OXR1: variants seen among roughly 807,000 people sequenced by gnomAD.
The protein encoded by OXR1 is oxidation resistance protein 1.
OXR1 carries 41 observed loss-of-function variants against 104.6 expected under a neutral mutation model. That is an observed-to-expected ratio of 0.39 (90% CI 0.31 to 0.51). OXR1 has a LOEUF of 0.51. OXR1 is among the 20% of genes least tolerant of loss of function. The pLI, the probability that OXR1 is intolerant of heterozygous loss-of-function variation, is 0.77. For synonymous variants in OXR1, 348 were observed against 348.4 expected (o/e 1.00, Z 0.01); for missense variants, 955 against 1,031.9 (o/e 0.93, Z 1.02).
At chr8:106,556,490 T>C (rs1586806940) in intron 3 of OXR1, among the ~76,000 whole-genome samples, 1 of 152,076 alleles carries the variant, frequency 6.6e-6, no homozygotes, top group South Asian at 2.1e-4. Context: ...CCCAAATGAA[T>C]CCTGCCTCTG....
intron 11 of OXR1, among the ~76,000 whole-genome samples, chr8:106,736,994 G>A (rs867599174): frequency 4.6e-5 from 7 of 152,042 alleles, no homozygotes; most frequent in African/African-American, 1.7e-4. Context: ...GTTTTAAAAT[G>A]TACTTCTATA....
intron 1 of OXR1, among the ~76,000 whole-genome samples, chr8:106,298,328 T>C (rs1232919948): frequency 6.6e-6 from 1 of 152,156 alleles, no homozygotes; most frequent in African/African-American, 2.4e-5. Flanking sequence ...ACATCTTACA[T>C]GGAGGCAGGC....
chr8:106,637,285 T>G (rs1471662539), intron 3 of OXR1, among the ~76,000 whole-genome samples: 2 of 152,128 alleles, frequency 1.3e-5, no homozygotes, highest in Non-Finnish European at 2.9e-5. Flanking sequence ...TGATGCTATT[T>G]TAAAATTATG....
intron 1 of OXR1, among the ~76,000 whole-genome samples, chr8:106,289,240 C>T (rs1586477719): frequency 6.6e-6 from 1 of 152,188 alleles, no homozygotes; most frequent in Admixed American, 6.6e-5. Context: ...AGCTATCTCT[C>T]TTCGCTTCTA....
At chr8:106,320,725 G>A (rs1814180905) in intron 1 of OXR1, among the ~76,000 whole-genome samples, 1 of 152,068 alleles carries the variant, frequency 6.6e-6, no homozygotes. Flanking sequence ...AGGCTGGAGT[G>A]CAGTGACACA....
rs572524704 is a variant in OXR1 at position 106,726,445 on chromosome 8, T to G, written c.1957-11075T>G. On this transcript the variant is annotated intron_variant, in intron 11 of 16. Coordinates refer to ENST00000517566, the MANE Select transcript of OXR1 (RefSeq NM_001198533.2). ...TACAAAATTTTATGATTGTACAAAG[T>G]ACCTTGAAGTTGTTTCTGTTAATTC... is the stretch of plus-strand genomic sequence containing the variant. 791 of 528,896 alleles carry G rather than the reference T, an allele frequency of 1.5e-3. 3 individuals are homozygous for G. Among genetic ancestry groups the G allele is most frequent in the Middle Eastern group, 9.3e-3 (19 of 2,042 alleles). 32.8% of individuals were successfully genotyped at this position (528,896 alleles called of 1,614,324 possible). A position where few individuals can be genotyped will look rare whatever the true frequency, so the allele number is the denominator to read the frequency against.
chr8:106,501,336 CAG>C (rs1811793509), intron 2 of OXR1, among the ~76,000 whole-genome samples: 1 of 152,078 alleles, frequency 6.6e-6, no homozygotes, highest in Non-Finnish European at 1.5e-5. Context: ...GTGAACAGAA[CAG>C]AGAGAGGGAG....
intron 3 of OXR1, among the ~76,000 whole-genome samples, chr8:106,616,002 T>C (rs1467958442): frequency 6.6e-6 from 1 of 150,696 alleles, no homozygotes; most frequent in Non-Finnish European, 1.5e-5. Context: ...AGGAAGAGAA[T>C]GGAAATTAAT....
chr8:106,602,350 G>A (rs1036288297), intron 3 of OXR1, among the ~76,000 whole-genome samples: 1 of 152,208 alleles, frequency 6.6e-6, no homozygotes, highest in Non-Finnish European at 1.5e-5. Flanking sequence ...CACCGTCGTG[G>A]TCTAGGCAAA....
At chr8:106,618,128 T>C (rs1315697079) in intron 3 of OXR1, 1 of 1,536,046 alleles carries the variant, frequency 6.5e-7, no homozygotes, top group Middle Eastern at 1.7e-4. Context: ...AGCAGCTCAC[T>C]GCTAGCTGAG....
intron 10 of OXR1, among the ~76,000 whole-genome samples, chr8:106,712,662 C>A (rs1417737441): frequency 6.6e-6 from 1 of 151,950 alleles, no homozygotes; most frequent in African/African-American, 2.4e-5. Context: ...TGATAATGCT[C>A]TTTTCCCTTT....
intron 3 of OXR1, among the ~76,000 whole-genome samples, chr8:106,553,162 A>G (rs1815994222): frequency 6.6e-6 from 1 of 152,084 alleles, no homozygotes; most frequent in African/African-American, 2.4e-5. Flanking sequence ...TATGTAACTA[A>G]CCTGCACATT....
At chr8:106,353,297 C>G (rs144889725) in intron 1 of OXR1, among the ~76,000 whole-genome samples, 1 of 151,918 alleles carries the variant, frequency 6.6e-6, no homozygotes, top group Admixed American at 6.6e-5. Context: ...TGCAGTGAGT[C>G]GAGATCACGC....
At chr8:106,548,555 CAT>C (rs1402034738) in intron 3 of OXR1, among the ~76,000 whole-genome samples, 17 of 152,204 alleles carry the variant, frequency 1.1e-4, no homozygotes, top group African/African-American at 4.1e-4. Flanking sequence ...CAAAAAGAAA[CAT>C]GAGCAAATAT....
chr8:106,313,068 T>C (rs1045596740), intron 1 of OXR1, among the ~76,000 whole-genome samples: 1 of 152,212 alleles, frequency 6.6e-6, no homozygotes, highest in African/African-American at 2.4e-5. Flanking sequence ...TTTAGGAGGA[T>C]AGAGAGCATC....
At chr8:106,361,671 G>T (rs1816251182) in intron 2 of OXR1, among the ~76,000 whole-genome samples, 1 of 152,058 alleles carries the variant, frequency 6.6e-6, no homozygotes, top group African/African-American at 2.4e-5. Context: ...TTATTTTGGG[G>T]ATTATTGTTT....
intron 2 of OXR1, among the ~76,000 whole-genome samples, chr8:106,477,119 TTTCTC>T (rs1821849266): frequency 6.6e-6 from 1 of 151,972 alleles, no homozygotes; most frequent in Admixed American, 6.6e-5. Context: ...TGTCATGACT[TTTCTC>T]TGCTTCTTGG....
At chr8:106,552,148 G>A (rs902974587) in intron 3 of OXR1, among the ~76,000 whole-genome samples, 1 of 151,864 alleles carries the variant, frequency 6.6e-6, no homozygotes, top group African/African-American at 2.4e-5. Context: ...TCATACTAGG[G>A]GAATACTTGT....
intron 2 of OXR1, among the ~76,000 whole-genome samples, chr8:106,372,269 T>C (rs1244847886): frequency 6.6e-6 from 1 of 152,172 alleles, no homozygotes; most frequent in Non-Finnish European, 1.5e-5. Context: ...GGGTTCCCCA[T>C]CTCCCTGTGG....
Sources: allele counts gnomAD v4.1 joint callset (sites outside exome capture counted in the v4.1 genomes callset), GRCh38; gene constraint gnomAD v4.1.1; transcripts MANE v1.5; gene names NCBI Gene and HGNC (gene_info 2026-07-23, HGNC 2026-07-21).